ECM2: variants seen among roughly 807,000 people sequenced by gnomAD.
ECM2 encodes the protein extracellular matrix protein 2, also known as extracellular matrix protein 2, female organ and adipocyte specific.
A neutral mutation model predicts 67.5 loss-of-function variants in ECM2; 57 were observed. The observed-to-expected ratio is 0.84, with a 90% CI of 0.68 to 1.05. The LOEUF (loss-of-function observed/expected upper bound fraction) is 1.05. ECM2 is among the 50% of genes least tolerant of loss of function. The probability of loss-of-function intolerance (pLI) is 0.00; values close to 1 mark genes in which losing one functional copy is unlikely to be tolerated. For missense variants in ECM2, 741 were observed against 822.8 expected (o/e 0.90, Z 1.22); for synonymous variants, 258 against 294.5 (o/e 0.88, Z 1.27).
chr9:92,555,987 T>C, the ECM2 span, among the ~76,000 whole-genome samples: 1 of 152,160 alleles, frequency 6.6e-6, no homozygotes, highest in Non-Finnish European at 1.5e-5. Flanking sequence ...TGACCTTAGA[T>C]TGTCTGTGCT....
chr9:92,551,925 GTATATATA>G, the ECM2 span, among the ~76,000 whole-genome samples: 7 of 84,566 alleles, frequency 8.3e-5, no homozygotes, highest in Admixed American at 2.1e-4. Context: ...TGGTGTGTGT[GTATATATA>G]TATATATATA....
At chr9:92,556,505 TG>T in the ECM2 span, among the ~76,000 whole-genome samples, 5 of 152,368 alleles carry the variant, frequency 3.3e-5, no homozygotes, top group Middle Eastern at 3.4e-3. Flanking sequence ...TTTATAAATT[TG>T]GGAGCACCAG....
At chr9:92,546,540 C>T in the ECM2 span, among the ~76,000 whole-genome samples, 4,102 of 151,946 alleles carry the variant, frequency 0.027, 85 homozygotes, top group Non-Finnish European at 0.04. Flanking sequence ...TAATAGTCAA[C>T]GCCAAGGTCT....
At chr9:92,540,056 G>A (rs1003584195), upstream of ECM2, among the ~76,000 whole-genome samples, 3 of 152,124 alleles carry the variant, frequency 2.0e-5, no homozygotes, top group African/African-American at 7.2e-5. Flanking sequence ...CATATAAGTG[G>A]CATAAATTTT....
intron 2 of ECM2, among the ~76,000 whole-genome samples, chr9:92,522,228 A>G (rs1357418404): frequency 6.6e-6 from 1 of 152,060 alleles, no homozygotes; most frequent in Non-Finnish European, 1.5e-5. Flanking sequence ...CTGGGATTAC[A>G]GGTACATGCC....
At chr9:92,551,736 T>C in the ECM2 span, among the ~76,000 whole-genome samples, 3 of 151,902 alleles carry the variant, frequency 2.0e-5, no homozygotes, top group East Asian at 1.9e-4. Context: ...TGCGTCCTCA[T>C]AGCTTAGCTC....
chr9:92,532,120 C>T (rs1252432978), intron 1 of ECM2, among the ~76,000 whole-genome samples: 2 of 146,386 alleles, frequency 1.4e-5, no homozygotes, highest in East Asian at 2.0e-4. Flanking sequence ...CTCAACCTTT[C>T]GAGTAGCTGG....
chr9:92,511,253 G>A (rs1468687655), intron 5 of ECM2, among the ~76,000 whole-genome samples: 1 of 152,048 alleles, frequency 6.6e-6, no homozygotes, highest in Admixed American at 6.6e-5. Context: ...AGCCTCCCGA[G>A]TAGCTGGGAC....
intron 3 of ECM2, chr9:92,517,088 GA>G (rs3841714): frequency 0.38 from 57,528 of 153,144 alleles, 13,555 homozygotes; most frequent in African/African-American, 0.67. Flanking sequence ...AGGGGTCCAT[GA>G]GCAGCCAACA....
At chr9:92,556,507 G>T in the ECM2 span, among the ~76,000 whole-genome samples, 1 of 152,076 alleles carries the variant, frequency 6.6e-6, no homozygotes, top group South Asian at 2.1e-4. Flanking sequence ...TATAAATTTG[G>T]GAGCACCAGT....
At chr9:92,495,219 C>T, downstream of ECM2, 8 of 533,680 alleles carry the variant, frequency 1.5e-5, no homozygotes, top group Admixed American at 6.4e-5. Context: ...CACTTAAGTT[C>T]CTAGCCAAGA....
At chr9:92,558,338 T>A in the ECM2 span, among the ~76,000 whole-genome samples, 2 of 152,182 alleles carry the variant, frequency 1.3e-5, no homozygotes, top group Non-Finnish European at 2.9e-5. Flanking sequence ...GGTGTTCCCT[T>A]GATGTAGTAC....
At chr9:92,503,353 C>T (rs774327778) in intron 7 of ECM2, among the ~76,000 whole-genome samples, 23 of 152,310 alleles carry the variant, frequency 1.5e-4, no homozygotes, top group Admixed American at 7.2e-4. Flanking sequence ...GAAGCCCACC[C>T]GTGGTTACAT....
the ECM2 span, among the ~76,000 whole-genome samples, chr9:92,553,743 A>G: frequency 6.6e-6 from 1 of 152,196 alleles, no homozygotes; most frequent in Non-Finnish European, 1.5e-5. Flanking sequence ...TAGAAGAGCT[A>G]CTGATTTGTA....
At chr9:92,534,903 C>G (rs952659468) in intron 1 of ECM2, among the ~76,000 whole-genome samples, 1 of 152,116 alleles carries the variant, frequency 6.6e-6, no homozygotes, top group Non-Finnish European at 1.5e-5. Flanking sequence ...GAGTCAGGGC[C>G]TAGACCTCGA....
At chr9:92,504,670 G>A (rs938486449) in intron 7 of ECM2, among the ~76,000 whole-genome samples, 4 of 152,006 alleles carry the variant, frequency 2.6e-5, no homozygotes, top group Admixed American at 6.6e-5. Flanking sequence ...GAGCAGCTAC[G>A]ACTACAGGTG....
chr9:92,546,206 C>G, the ECM2 span, among the ~76,000 whole-genome samples: 1 of 152,146 alleles, frequency 6.6e-6, no homozygotes, highest in African/African-American at 2.4e-5. Flanking sequence ...CAAAACGGAC[C>G]AATCAGCTCT....
At chr9:92,538,391 CA>C (rs1849239579), upstream of ECM2, among the ~76,000 whole-genome samples, 1 of 152,096 alleles carries the variant, frequency 6.6e-6, no homozygotes, top group African/African-American at 2.4e-5. Context: ...GAATAAACAA[CA>C]AAATATTAAC....
At chr9:92,551,198 G>A in the ECM2 span, among the ~76,000 whole-genome samples, 15 of 152,138 alleles carry the variant, frequency 9.9e-5, no homozygotes, top group Non-Finnish European at 2.1e-4. Context: ...CGCTGGGATT[G>A]GAAGCCAGGA....
Sources: gnomAD v4.1 joint callset for allele counts (sites outside exome capture counted in the v4.1 genomes callset) on GRCh38, gnomAD v4.1.1 for gene constraint, MANE v1.5 for transcripts, NCBI Gene and HGNC (gene_info 2026-07-23, HGNC 2026-07-21) for gene names.